Variants in AGGF1 observed in about 807,000 individuals in gnomAD.
AGGF1 encodes the protein angiogenic factor with G-patch and FHA domains 1.
In AGGF1, 56 loss-of-function variants were observed where a neutral mutation model predicts 86.5. The ratio of observed to expected loss-of-function variants is 0.65; its 90% CI spans 0.52 to 0.81. AGGF1 has a LOEUF of 0.81. Ranked by LOEUF, AGGF1 falls within the 30% of genes least tolerant of loss-of-function variation. AGGF1 has a pLI of 0.00. For synonymous variants in AGGF1, 313 were observed against 297.1 expected, an observed-to-expected ratio of 1.05 and a Z score of -0.55; for missense variants, 816 against 850.9, an observed-to-expected ratio of 0.96 and a Z score of 0.51.
chr5:77,043,914 G>A lies in AGGF1; in HGVS notation c.871-2433G>A, dbSNP rs1000974527. Reference sequence around the variant, plus strand: ...CACCTCCCAGACGGGGTCTCGGCCGGGCAGAGGCGCTCCTCACATCCCAGA... The same window carrying A: ...CACCTCCCAGACGGGGTCTCGGCCGAGCAGAGGCGCTCCTCACATCCCAGA... On this transcript the variant is annotated intron_variant, in intron 5 of 13. Coordinates refer to ENST00000312916, the MANE Select transcript of AGGF1 (RefSeq NM_018046.5). Among the ~76,000 whole-genome samples the A allele has an allele frequency of 2.1e-5, 3 of 143,140 alleles. No individual in the cohort carries two copies. In the East Asian group the frequency reaches 6.4e-4, roughly 30 times the overall value. The allele number at this position is 143,140 out of a possible 152,430, so 93.9% of individuals were successfully genotyped here.
chr5:77,046,654 C>T lies in AGGF1; in HGVS notation c.1178C>T (p.Thr393Ile), dbSNP rs142626329. The T allele has an allele frequency of 3.2e-5, 52 of 1,613,832 alleles. No individual in the cohort carries two copies. Among genetic ancestry groups the T allele is most frequent in the East Asian group, 8.9e-5 (4 of 44,870 alleles). The change falls in exon 6 of 14, where the codon ACT becomes ATT. Residue 393 changes from threonine (T) to isoleucine (I), a missense_variant. Physicochemically the swap from Thr to Ile is moderately conservative, Grantham distance 89. Around this residue, in one of 3 missense-constraint regions of AGGF1, gnomAD observed 565 missense variants for 585.8 expected, o/e 0.96. Coordinates refer to ENST00000312916, the MANE Select transcript of AGGF1 (RefSeq NM_018046.5). ...DEAITSEGNVTAEDSEDEDED... is the reference protein window; with the variant it reads ...DEAITSEGNVIAEDSEDEDED... Reference sequence around the variant, plus strand: ...GCCATTACCAGTGAAGGCAATGTAACTGCAGAAGATAGTGAGGATGAAGGT... The same window carrying T: ...GCCATTACCAGTGAAGGCAATGTAATTGCAGAAGATAGTGAGGATGAAGGT...
rs1449072426 is a variant in AGGF1 at position 77,059,466 on chromosome 5, G to A, written c.1717-150G>A. 2.9e-5 allele frequency: 21 copies of A among 731,352 alleles called. No homozygotes were observed. In the East Asian group the frequency reaches 4.3e-4, roughly 15 times the overall value. 45.3% of individuals were successfully genotyped at this position (731,352 alleles called of 1,614,324 possible). A position where few individuals can be genotyped will look rare whatever the true frequency, so the allele number is the denominator to read the frequency against. On this transcript the variant is annotated intron_variant, in intron 11 of 13. Coordinates refer to ENST00000312916, the MANE Select transcript of AGGF1 (RefSeq NM_018046.5). ...CAAAATGCTAGGATTATAGGCATGA[G>A]CCACCTGTAATTTCTTCATATCATA...
intron 7 of AGGF1, 80 bp downstream of exon 7, chr5:77,048,352 T>G: frequency 7.9e-7 from 1 of 1,258,112 alleles, no homozygotes. Context: ...TTTGTTTGTT[T>G]GTTTGTTTTT....
chr5:77,056,051 TATGACCTGATGTA>T (rs1747451723), intron 11 of AGGF1, among the ~76,000 whole-genome samples: 1 of 152,142 alleles, frequency 6.6e-6, no homozygotes, highest in Non-Finnish European at 1.5e-5. Context: ...GGAGAACTAA[TATGACCTGATGTA>T]AAGACTTATT....
chr5:77,059,649 A>G lies in AGGF1; in HGVS notation c.1750A>G (p.Asn584Asp). Residue 584 changes from asparagine to aspartate, a missense_variant, in exon 12 of 14, where the codon AAT (asparagine) becomes GAT (aspartate). Coordinates refer to ENST00000312916, the MANE Select transcript of AGGF1 (RefSeq NM_018046.5). ...TEYEDEKTLK[N>D]PKYKDRAGKR... ...ATACGAAGATGAAAAGACATTGAAG[A>G]ATCCAAAATATAAAGATAGAGCTGG... 1 of 1,611,946 alleles carries G rather than the reference A, an allele frequency of 6.2e-7. No homozygotes were observed. The highest frequency in any genetic ancestry group is 8.5e-7 in the Non-Finnish European group (1 of 1,178,244).
rs750849684 is a variant in AGGF1, at chr5:77,048,321, G to T, written c.1313+49G>T. 21 of 1,374,812 alleles carry T rather than the reference G, an allele frequency of 1.5e-5. No homozygotes were observed. In the East Asian group the frequency reaches 4.6e-4, roughly 30 times the overall value. The allele number at this position is 1,374,812 out of a possible 1,614,324, so 85.2% of individuals were successfully genotyped here. On this transcript the variant is annotated intron_variant, in intron 7 of 13. Coordinates refer to ENST00000312916, the MANE Select transcript of AGGF1 (RefSeq NM_018046.5). ...TCATTCTTTCAGTTATTTCAGAAAG[G>T]CTTTATTAAGAGCATGTATTTTTGT...
At chr5:77,045,884 T>C (rs973153706) in intron 5 of AGGF1, among the ~76,000 whole-genome samples, 2 of 152,244 alleles carry the variant, frequency 1.3e-5, no homozygotes, top group Non-Finnish European at 2.9e-5. Flanking sequence ...GCAGACTATG[T>C]AAACTATCTC....
At chr5:77,041,482 G>A (rs551326702) in intron 5 of AGGF1, among the ~76,000 whole-genome samples, 7 of 149,974 alleles carry the variant, frequency 4.7e-5, no homozygotes, top group Non-Finnish European at 1.0e-4. Context: ...CAGGAGAATC[G>A]CTTGAACCTG....
At chr5:77,060,121 C>A (rs767261954) in intron 12 of AGGF1, among the ~76,000 whole-genome samples, 8 of 152,178 alleles carry the variant, frequency 5.3e-5, no homozygotes, top group Non-Finnish European at 8.8e-5. Context: ...GGATTACCGG[C>A]GTGAGCTACC....
At chr5:77,059,907 T>C (rs1269410399) in intron 12 of AGGF1, among the ~76,000 whole-genome samples, 164 bp downstream of exon 12, 3 of 152,090 alleles carry the variant, frequency 2.0e-5, no homozygotes, top group African/African-American at 7.2e-5. Flanking sequence ...AGTGGTGTGG[T>C]CTCGGCTCAC....
intron 4 of AGGF1, 105 bp from the exon 5 acceptor site, chr5:77,039,426 T>A: frequency 1.1e-6 from 1 of 873,548 alleles, no homozygotes; most frequent in East Asian, 2.7e-5. Context: ...GAAAATACTA[T>A]AGTTGTTCAA....
intron 2 of AGGF1, 140 bp from the exon 3 acceptor site, chr5:77,035,401 T>TAAA (rs1746945959): frequency 2.9e-6 from 2 of 681,862 alleles, no homozygotes; most frequent in African/African-American, 1.8e-5. Context: ...TTTAATCTTT[T>TAAA]AAAATTTGTA....
chr5:77,036,984 C>A (rs971913014), intron 4 of AGGF1, among the ~76,000 whole-genome samples: 2 of 152,194 alleles, frequency 1.3e-5, no homozygotes, highest in African/African-American at 4.8e-5. Context: ...CCTTTTAATA[C>A]TGTATGATAC....
chr5:77,033,247 TG>T (rs1175339325), intron 1 of AGGF1, among the ~76,000 whole-genome samples: 1 of 152,224 alleles, frequency 6.6e-6, no homozygotes, highest in Non-Finnish European at 1.5e-5. Flanking sequence ...GAATGATAAC[TG>T]GAGAACCATA....
chr5:77,055,296 TATC>T (rs1747439906), intron 10 of AGGF1, among the ~76,000 whole-genome samples: 4 of 152,190 alleles, frequency 2.6e-5, no homozygotes, highest in Admixed American at 2.6e-4. Context: ...AGATTCCTAT[TATC>T]TGTGGTTTTT....
chr5:77,048,339 A>G (rs1200215124), intron 7 of AGGF1, 67 bp downstream of exon 7: 35 of 1,315,616 alleles, frequency 2.7e-5, no homozygotes, highest in Middle Eastern at 3.9e-4. Flanking sequence ...AAGAGCATGT[A>G]TTTTTGTTTG....
At chr5:77,043,430 C>A (rs1184428285) in intron 5 of AGGF1, among the ~76,000 whole-genome samples, 7 of 79,466 alleles carry the variant, frequency 8.8e-5, no homozygotes, top group Non-Finnish European at 1.8e-4. Context: ...CCAGTAGGGG[C>A]GGCCGGGCAG....
intron 5 of AGGF1, among the ~76,000 whole-genome samples, chr5:77,043,521 G>A (rs1747175341): frequency 1.4e-5 from 2 of 144,162 alleles, no homozygotes; most frequent in Admixed American, 6.8e-5. Context: ...CGGGGCGGCT[G>A]GCCGGGCGGG....
intron 5 of AGGF1, among the ~76,000 whole-genome samples, chr5:77,042,727 A>C (rs1580127447): frequency 2.0e-4 from 4 of 20,494 alleles, no homozygotes; most frequent in Non-Finnish European, 4.6e-4. Context: ...GGCGCCCCTC[A>C]CCTCCCGGAC....
Sources: allele counts gnomAD v4.1 joint callset (sites outside exome capture counted in the v4.1 genomes callset), GRCh38; gene constraint gnomAD v4.1.1; regional missense constraint gnomAD v4.1.1; transcripts MANE v1.5; gene names NCBI Gene and HGNC (gene_info 2026-07-23, HGNC 2026-07-21).